The following WDR41 variants were observed in gnomAD, a reference collection of about 807,000 sequenced individuals.
WDR41 encodes WD repeat domain 41.
WDR41 carries 63 observed loss-of-function variants against 69.3 expected under a neutral mutation model. The observed-to-expected ratio is 0.91, with a 90% CI of 0.74 to 1.12. The LOEUF (loss-of-function observed/expected upper bound fraction) is 1.12. Ranked by LOEUF, WDR41 falls within the 50% of genes most tolerant of loss-of-function variation. The pLI is 0.00. For synonymous variants in WDR41, 185 were observed against 192.1 expected (o/e 0.96, Z 0.31); for missense variants, 543 against 534.5 (o/e 1.02, Z -0.16).
intron 1 of WDR41, among the ~76,000 whole-genome samples, chr5:77,533,753 G>A (rs142570885): frequency 3.9e-5 from 6 of 152,236 alleles, no homozygotes; most frequent in African/African-American, 1.2e-4. Flanking sequence ...TGTTATTGTT[G>A]CTAATCTACA....
chr5:77,433,453 A>C (rs1014244779), intron 12 of WDR41, among the ~76,000 whole-genome samples, 166 bp from the exon 13 acceptor site: 2 of 152,244 alleles, frequency 1.3e-5, no homozygotes, highest in African/African-American at 4.8e-5. Context: ...TACAAATAAT[A>C]TCTAATATTT....
chr5:77,468,068 A>C (rs1800382727), intron 2 of WDR41, among the ~76,000 whole-genome samples: 1 of 152,038 alleles, frequency 6.6e-6, no homozygotes, highest in African/African-American at 2.4e-5. Context: ...TTGAGACTAC[A>C]CAATTAAATG....
At position 77,463,182 on chromosome 5, in the gene WDR41, T is replaced by C. The variant is rs1195349584; in HGVS notation, c.261A>G (p.Ile87Met). The change falls in exon 4 of 13, where the codon ATA (isoleucine) becomes ATG (methionine). Residue 87 changes from isoleucine (I) to methionine (M), a missense_variant. Ile to Met is a conservative substitution (Grantham distance 10, BLOSUM62 1). Coordinates refer to ENST00000296679, the MANE Select transcript of WDR41 (RefSeq NM_018268.4). ...LLELNGHTQKITAIITFPSLE... is the reference protein window; with the variant it reads ...LLELNGHTQKMTAIITFPSLE... The stretch of plus-strand genomic sequence containing the variant: ...AGGAAGGAAATGTAATAATAGCTGT[T>C]ATCTTTTGAGTGTGTCCATTCAGTT... 1.2e-6 allele frequency: 2 copies of C among 1,612,816 alleles called. No homozygotes were observed. The highest frequency in any genetic ancestry group is 2.7e-5 in the African/African-American group (2 of 74,886).
Position 77,433,279 on chromosome 5 carries a change from T to G in WDR41, c.1236A>C (p.Leu412=), listed in dbSNP as rs766094229. 2 of 1,610,084 alleles carry G rather than the reference T, an allele frequency of 1.2e-6. No individual in the cohort carries two copies. Among genetic ancestry groups the G allele is most frequent in the South Asian group, 2.2e-5 (2 of 89,902 alleles). Residue 412 remains leucine, a synonymous_variant, in exon 13 of 13, where the codon CTA becomes CTC. Coordinates refer to ENST00000296679, the MANE Select transcript of WDR41 (RefSeq NM_018268.4). ...IGHSSSVEMF[L]YFEDHGLVTC... is the part of the protein sequence containing the mutation. ...TCACTAGTCCATGATCTTCAAAGTA[T>G]AGAAACATCTGTAAAGAAAATTAAA...
Position 77,437,407 on chromosome 5 carries a change from G to A in WDR41, c.1022C>T (p.Ser341Leu). The A allele has an allele frequency of 1.2e-6, 2 of 1,613,828 alleles. No individual in the cohort carries two copies. The highest frequency in any genetic ancestry group is 1.7e-6 in the Non-Finnish European group (2 of 1,179,868). The change falls in exon 11 of 13, where the codon TCA becomes TTA. Residue 341 changes from serine to leucine, a missense_variant. Ser to Leu is a moderately radical substitution (Grantham distance 145). Coordinates refer to ENST00000296679, the MANE Select transcript of WDR41 (RefSeq NM_018268.4). Reference sequence around the variant, plus strand: ...CCAAATGCGTACACTGCCATCTTCTGAGCATGAGATTAACTGCCTGTCAGA... The same window carrying A: ...CCAAATGCGTACACTGCCATCTTCTAAGCATGAGATTAACTGCCTGTCAGA... ...RLPNRQLISC[S>L]EDGSVRIWEL...
intron 6 of WDR41, chr5:77,452,570 C>T (rs1799668441): frequency 6.6e-6 from 1 of 152,154 alleles, no homozygotes; most frequent in South Asian, 2.1e-4. Flanking sequence ...TCAAGCAGGG[C>T]TTATGAAAGG....
At chr5:77,598,848 T>C (rs1308846991) in intron 1 of WDR41, among the ~76,000 whole-genome samples, 1 of 152,016 alleles carries the variant, frequency 6.6e-6, no homozygotes, top group Admixed American at 6.6e-5. Context: ...TAAATTCCTA[T>C]GGCCTTAAGG....
chr5:77,584,725 AAGACATCCTACTC>A (rs1744007441), intron 1 of WDR41, among the ~76,000 whole-genome samples: 1 of 152,148 alleles, frequency 6.6e-6, no homozygotes, highest in Non-Finnish European at 1.5e-5. Flanking sequence ...AATGGGGCAA[AAGACATCCTACTC>A]AGCAAAGGTG....
At chr5:77,489,837 G>A (rs1025566159) in intron 1 of WDR41, among the ~76,000 whole-genome samples, 6 of 152,044 alleles carry the variant, frequency 3.9e-5, no homozygotes, top group Admixed American at 3.9e-4. Context: ...TTTACAAAAA[G>A]GGTGAATTTT....
intron 1 of WDR41, among the ~76,000 whole-genome samples, chr5:77,557,739 GT>G (rs1743433964): frequency 2.0e-5 from 3 of 152,056 alleles, no homozygotes; most frequent in Non-Finnish European, 2.9e-5. Context: ...TACATGTGTA[GT>G]AATACTCAGA....
chr5:77,468,094 C>T (rs335654), intron 2 of WDR41, among the ~76,000 whole-genome samples: 92,846 of 151,816 alleles, frequency 0.61, 30,208 homozygotes, highest in African/African-American at 0.84. Context: ...GCAAAACTTA[C>T]ATTCATGAAA....
At chr5:77,594,471 A>G (rs990728746) in intron 1 of WDR41, among the ~76,000 whole-genome samples, 3 of 152,080 alleles carry the variant, frequency 2.0e-5, no homozygotes, top group Non-Finnish European at 4.4e-5. Context: ...AAATAATTAA[A>G]TACATCTTGG....
chr5:77,566,348 T>A (rs1199520311), intron 1 of WDR41, among the ~76,000 whole-genome samples: 1 of 152,198 alleles, frequency 6.6e-6, no homozygotes, highest in Non-Finnish European at 1.5e-5. Context: ...GTCCTGTATG[T>A]CGTTTAGGTC....
chr5:77,574,989 A>G (rs886164099), intron 1 of WDR41, among the ~76,000 whole-genome samples: 3 of 152,218 alleles, frequency 2.0e-5, no homozygotes, highest in Non-Finnish European at 4.4e-5. Context: ...AACAAATTAC[A>G]AAAATCACAT....
chr5:77,584,411 T>C (rs956320862), intron 1 of WDR41, among the ~76,000 whole-genome samples: 6 of 152,210 alleles, frequency 3.9e-5, no homozygotes, highest in Non-Finnish European at 8.8e-5. Flanking sequence ...CCAAAATCAG[T>C]TGTATTTTTA....
intron 1 of WDR41, among the ~76,000 whole-genome samples, chr5:77,550,837 T>C (rs1743282217): frequency 6.6e-6 from 1 of 152,196 alleles, no homozygotes. Context: ...TCAATCTAGA[T>C]GCCCATCAAT....
chr5:77,464,945 A>C (rs981473272), intron 2 of WDR41, 136 bp from the exon 3 acceptor site: 1 of 849,330 alleles, frequency 1.2e-6, no homozygotes, highest in Non-Finnish European at 1.8e-6. Flanking sequence ...AATTTAAAAA[A>C]TATTTATGAA....
intron 2 of WDR41, among the ~76,000 whole-genome samples, chr5:77,476,526 C>G (rs1292487835): frequency 6.6e-6 from 1 of 152,018 alleles, no homozygotes; most frequent in African/African-American, 2.4e-5. Flanking sequence ...ATTCAACATT[C>G]TTAAAGAAAA....
intron 1 of WDR41, among the ~76,000 whole-genome samples, chr5:77,531,685 C>T (rs1217718429): frequency 2.0e-5 from 3 of 151,926 alleles, no homozygotes; most frequent in Non-Finnish European, 2.9e-5. Flanking sequence ...TTGTACATAG[C>T]AGCATTATTC....
Sources: allele counts gnomAD v4.1 joint callset (sites outside exome capture counted in the v4.1 genomes callset), GRCh38; gene constraint gnomAD v4.1.1; transcripts MANE v1.5; gene names NCBI Gene and HGNC (gene_info 2026-07-23, HGNC 2026-07-21).